The following SLC25A24 variants were observed in gnomAD, a reference collection of about 807,000 sequenced individuals.
The protein encoded by SLC25A24 is mitochondrial adenyl nucleotide antiporter SLC25A24.
In SLC25A24, 49 loss-of-function variants were observed where a neutral mutation model predicts 60.7. The observed-to-expected ratio is 0.81, with a 90% CI of 0.64 to 1.02. SLC25A24 has a LOEUF of 1.02. Ranked by LOEUF, SLC25A24 falls within the 50% of genes least tolerant of loss-of-function variation. The pLI, the probability that SLC25A24 is intolerant of heterozygous loss-of-function variation, is 0.00. For synonymous variants in SLC25A24, 202 were observed against 200.6 expected, an observed-to-expected ratio of 1.01 and a Z score of -0.06; for missense variants, 564 against 586.3, an observed-to-expected ratio of 0.96 and a Z score of 0.39.
At chr1:108,139,361 T>C (rs891206745) in intron 8 of SLC25A24, among the ~76,000 whole-genome samples, 153 bp from the exon 9 acceptor site, 7 of 152,204 alleles carry the variant, frequency 4.6e-5, no homozygotes, top group Non-Finnish European at 1.0e-4. Flanking sequence ...AGGCGGTGAC[T>C]CTGTGGAGAG....
intron 3 of SLC25A24, among the ~76,000 whole-genome samples, chr1:108,174,201 C>T (rs539665279): frequency 6.6e-6 from 1 of 152,212 alleles, no homozygotes; most frequent in African/African-American, 2.4e-5. Context: ...CCCAGAGGCC[C>T]AGGAGGAAAA....
At chr1:108,195,748 T>C (rs1287152679) in intron 1 of SLC25A24, among the ~76,000 whole-genome samples, 1 of 152,158 alleles carries the variant, frequency 6.6e-6, no homozygotes, top group African/African-American at 2.4e-5. Context: ...CCTGTAATCT[T>C]AGCACTTTCA....
Position 108,136,714 on chromosome 1 carries a change from AC to A in SLC25A24, c.1372del (p.Val458Ter). On this transcript the variant is annotated frameshift_variant, in exon 10 of 10. Coordinates refer to ENST00000565488, the MANE Select transcript of SLC25A24 (RefSeq NM_013386.5). LOFTEE classifies it high-confidence loss of function. The part of the protein sequence containing the change: ...TPNFMKVLPA[V>X]GISYVVYENM... ...TTCATAAACCACATAACTGATGCCT[AC>A]AGCAGGGAGCACCTTCATGAAGTTT... 6.2e-7 allele frequency: 1 copy of A among 1,614,152 alleles called. No individual in the cohort carries two copies. The highest frequency in any genetic ancestry group is 8.5e-7 in the Non-Finnish European group (1 of 1,179,984).
At chr1:108,154,220 T>TGG (rs5776930) in intron 6 of SLC25A24, among the ~76,000 whole-genome samples, 4,756 of 150,582 alleles carry the variant, frequency 0.032, 117 homozygotes, top group Middle Eastern at 0.089. Flanking sequence ...ACAAAAACTA[T>TGG]GGGGGGGGAG....
At chr1:108,175,505 G>C (rs1647642341) in intron 3 of SLC25A24, among the ~76,000 whole-genome samples, 1 of 152,024 alleles carries the variant, frequency 6.6e-6, no homozygotes, top group Non-Finnish European at 1.5e-5. Context: ...TAATACACCA[G>C]GCAACATGGC....
At chr1:108,156,342 C>A (rs1679899446) in intron 5 of SLC25A24, among the ~76,000 whole-genome samples, 1 of 152,112 alleles carries the variant, frequency 6.6e-6, no homozygotes, top group Admixed American at 6.5e-5. Context: ...AAACTAAATT[C>A]CAGAGAAATC....
chr1:108,198,309 G>A (rs535133325), intron 1 of SLC25A24, among the ~76,000 whole-genome samples: 16 of 152,284 alleles, frequency 1.1e-4, no homozygotes, highest in African/African-American at 3.6e-4. Flanking sequence ...CTGAATGAGC[G>A]AGGATGTGGA....
intron 7 of SLC25A24, among the ~76,000 whole-genome samples, chr1:108,144,169 A>T (rs1382378859): frequency 6.6e-6 from 1 of 152,172 alleles, no homozygotes; most frequent in Non-Finnish European, 1.5e-5. Context: ...TAATATAAAC[A>T]ATCATATTAA....
chr1:108,171,317 C>T (rs1310327476), intron 3 of SLC25A24, among the ~76,000 whole-genome samples: 1 of 152,040 alleles, frequency 6.6e-6, no homozygotes, highest in African/African-American at 2.4e-5. Context: ...ACAAATCATC[C>T]CCTTCCCTCC....
At chr1:108,156,736 A>G (rs1459036972) in intron 5 of SLC25A24, among the ~76,000 whole-genome samples, 2 of 152,324 alleles carry the variant, frequency 1.3e-5, no homozygotes, top group East Asian at 3.9e-4. Context: ...TTCTTATTAG[A>G]TATTCTTATC....
intron 3 of SLC25A24, among the ~76,000 whole-genome samples, chr1:108,179,510 C>T (rs1404735599): frequency 6.6e-6 from 1 of 151,958 alleles, no homozygotes; most frequent in Non-Finnish European, 1.5e-5. Flanking sequence ...ACGGAATCAA[C>T]CTAAGTGTCC....
At chr1:108,172,930 T>C (rs1233358866) in intron 3 of SLC25A24, among the ~76,000 whole-genome samples, 3 of 151,572 alleles carry the variant, frequency 2.0e-5, no homozygotes, top group Non-Finnish European at 4.4e-5. Context: ...ATAATAATAA[T>C]AACAATATCC....
chr1:108,158,507 T>C (rs1679963738), intron 4 of SLC25A24, among the ~76,000 whole-genome samples: 1 of 152,154 alleles, frequency 6.6e-6, no homozygotes, highest in Non-Finnish European at 1.5e-5. Context: ...TCACATAGTG[T>C]ACAATTTATC....
intron 3 of SLC25A24, among the ~76,000 whole-genome samples, chr1:108,180,292 G>A (rs192922486): frequency 3.9e-5 from 6 of 151,986 alleles, no homozygotes; most frequent in Non-Finnish European, 8.8e-5. Context: ...TTGAACCTGG[G>A]AGGCGGAGGT....
At chr1:108,163,275 C>T (rs1402073120) in intron 3 of SLC25A24, among the ~76,000 whole-genome samples, 11 of 104,772 alleles carry the variant, frequency 1.0e-4, no homozygotes, top group African/African-American at 3.1e-4. Context: ...CTTGGCAATG[C>T]GGGCTCTTTT....
intron 1 of SLC25A24, among the ~76,000 whole-genome samples, chr1:108,189,057 A>G (rs1183455576): frequency 1.3e-5 from 2 of 152,230 alleles, no homozygotes; most frequent in Admixed American, 6.5e-5. Flanking sequence ...TGTCATCCTG[A>G]AAACAAGATT....
At chr1:108,189,439 C>T (rs1648264084) in intron 1 of SLC25A24, among the ~76,000 whole-genome samples, 1 of 152,170 alleles carries the variant, frequency 6.6e-6, no homozygotes, top group Admixed American at 6.5e-5. Context: ...GGTGAATGTC[C>T]TTTTGTCCAG....
At chr1:108,187,881 T>A (rs1386481004) in intron 1 of SLC25A24, among the ~76,000 whole-genome samples, 2 of 126,642 alleles carry the variant, frequency 1.6e-5, no homozygotes, top group Admixed American at 1.7e-4. Flanking sequence ...GTATAAAATA[T>A]TAGCAAATCA....
intron 3 of SLC25A24, among the ~76,000 whole-genome samples, chr1:108,170,020 T>A (rs182743553): frequency 1.8e-3 from 267 of 152,320 alleles, no homozygotes; most frequent in African/African-American, 6.2e-3. Context: ...CTATATATTC[T>A]TTATTATCTC....
Sources: allele counts gnomAD v4.1 joint callset (sites outside exome capture counted in the v4.1 genomes callset), GRCh38; gene constraint gnomAD v4.1.1; transcripts MANE v1.5; gene names NCBI Gene and HGNC (gene_info 2026-07-23, HGNC 2026-07-21).